The following CCDC6 variants were observed in gnomAD, a reference collection of about 807,000 sequenced individuals.
The protein encoded by CCDC6 is coiled-coil domain-containing protein 6.
CCDC6 carries 20 observed loss-of-function variants against 56.6 expected under a neutral mutation model. The ratio of observed to expected loss-of-function variants is 0.35; its 90% confidence interval spans 0.25 to 0.51. The LOEUF (loss-of-function observed/expected upper bound fraction) is 0.51. Ranked by LOEUF, CCDC6 falls within the 20% of genes least tolerant of loss-of-function variation. The probability of loss-of-function intolerance (pLI) is 0.95; values close to 1 mark genes in which losing one functional copy is unlikely to be tolerated. For missense variants in CCDC6, 367 were observed against 601.1 expected, an observed-to-expected ratio of 0.61 and a Z score of 4.07; for synonymous variants, 241 against 234.4, an observed-to-expected ratio of 1.03 and a Z score of -0.26.
chr10:59,855,629 C>T (rs1167759287), intron 1 of CCDC6, among the ~76,000 whole-genome samples: 1 of 152,130 alleles, frequency 6.6e-6, no homozygotes, highest in Non-Finnish European at 1.5e-5. Context: ...GGAATGACTG[C>T]TCATGGCTAC....
At chr10:59,829,043 A>C (rs1235380741) in intron 3 of CCDC6, among the ~76,000 whole-genome samples, 1 of 152,226 alleles carries the variant, frequency 6.6e-6, no homozygotes, top group Non-Finnish European at 1.5e-5. Flanking sequence ...TTCCAGATTC[A>C]AGGCCTATGA....
chr10:59,894,851 A>G (rs1377972772), intron 1 of CCDC6, among the ~76,000 whole-genome samples: 1 of 152,042 alleles, frequency 6.6e-6, no homozygotes, highest in African/African-American at 2.4e-5. Flanking sequence ...CTCTAGTGTT[A>G]TTTCTTTTCC....
In CCDC6 at chr10:59,797,661, A is replaced by T. The variant is rs957928618; in HGVS notation, c.1106-3064T>A. 1.3e-4 allele frequency among the ~76,000 whole-genome samples: 15 copies of T among 118,168 alleles called. 1 individual carries two copies. Among genetic ancestry groups the T allele is most frequent in the African/African-American group, 6.1e-4 (15 of 24,552 alleles). 77.5% of individuals were successfully genotyped at this position (118,168 alleles called of 152,430 possible). A position where few individuals can be genotyped will look rare whatever the true frequency, so the allele number is the denominator to read the frequency against. ...GGGAGAGTGTGGGCATGAGTGAGTGAGAGAGAGAGAGAGTGAGAGTGTTGT... is the reference window on the plus strand; with the variant it reads ...GGGAGAGTGTGGGCATGAGTGAGTGTGAGAGAGAGAGAGTGAGAGTGTTGT... On this transcript the variant is annotated intron_variant, in intron 7 of 8. Coordinates refer to ENST00000263102, the MANE Select transcript of CCDC6 (RefSeq NM_005436.5).
intron 5 of CCDC6, among the ~76,000 whole-genome samples, chr10:59,809,386 A>C (rs111697383): frequency 6.6e-6 from 1 of 152,174 alleles, no homozygotes; most frequent in Non-Finnish European, 1.5e-5. Flanking sequence ...CTTAAACAAT[A>C]TATCTATAGA....
chr10:59,893,197 GCGGGGGGAGGGA>G (rs1245561327), intron 1 of CCDC6, among the ~76,000 whole-genome samples: 10 of 152,156 alleles, frequency 6.6e-5, no homozygotes, highest in Non-Finnish European at 1.2e-4. Flanking sequence ...GTTACTTTTT[GCGGGGGGAGGGA>G]TACTGACTGG....
chr10:59,813,093 A>AAT (rs1223514629), intron 4 of CCDC6, among the ~76,000 whole-genome samples: 2 of 152,238 alleles, frequency 1.3e-5, no homozygotes, highest in African/African-American at 4.8e-5. Context: ...TTATGCCTGG[A>AAT]ATACAGTATG....
chr10:59,864,016 AGTTGG>A (rs2132663765), intron 1 of CCDC6, among the ~76,000 whole-genome samples: 1 of 152,338 alleles, frequency 6.6e-6, no homozygotes, highest in Non-Finnish European at 1.5e-5. Context: ...CTAATTTATA[AGTTGG>A]TTGTTGGGAT....
chr10:59,840,746 C>A (rs995953852), intron 2 of CCDC6, among the ~76,000 whole-genome samples: 6 of 152,124 alleles, frequency 3.9e-5, no homozygotes, highest in Admixed American at 2.0e-4. Context: ...AAGACTCAAA[C>A]CCCTAAGTCT....
intron 3 of CCDC6, among the ~76,000 whole-genome samples, chr10:59,817,536 A>T (rs1049422847): frequency 6.6e-5 from 10 of 152,120 alleles, no homozygotes; most frequent in Non-Finnish European, 1.3e-4. Flanking sequence ...AAGGATCCCA[A>T]TTCCAGTGTT....
At chr10:59,904,039 CT>C (rs2071523577) in intron 1 of CCDC6, among the ~76,000 whole-genome samples, 1 of 152,158 alleles carries the variant, frequency 6.6e-6, no homozygotes. Context: ...ACCACAAGCA[CT>C]TTTTTATGTG....
intron 3 of CCDC6, among the ~76,000 whole-genome samples, chr10:59,832,231 C>T (rs1037609876): frequency 6.6e-6 from 1 of 152,224 alleles, no homozygotes; most frequent in Non-Finnish European, 1.5e-5. Flanking sequence ...TGGTCAAAAA[C>T]ATTCTTCTCC....
intron 1 of CCDC6, among the ~76,000 whole-genome samples, chr10:59,897,704 C>T (rs548661863): frequency 1.3e-5 from 2 of 152,322 alleles, no homozygotes; most frequent in South Asian, 2.1e-4. Flanking sequence ...GCAGACAGCA[C>T]AAAAGACTCA....
At chr10:59,814,421 C>T (rs769663499) in intron 4 of CCDC6, among the ~76,000 whole-genome samples, 31 of 152,146 alleles carry the variant, frequency 2.0e-4, no homozygotes, top group Non-Finnish European at 3.7e-4. Context: ...AGCCTTGTAA[C>T]ACCAAATGAA....
chr10:59,905,292 G>A (rs2071534538), intron 1 of CCDC6, among the ~76,000 whole-genome samples: 1 of 152,100 alleles, frequency 6.6e-6, no homozygotes, highest in African/African-American at 2.4e-5. Context: ...AGCCTCCAGG[G>A]GACAGGTAGA....
intron 1 of CCDC6, among the ~76,000 whole-genome samples, chr10:59,854,481 C>T (rs1044480198): frequency 6.6e-6 from 1 of 152,152 alleles, no homozygotes. Flanking sequence ...TGGGGTAGTC[C>T]AAGAGAGCTA....
intron 3 of CCDC6, among the ~76,000 whole-genome samples, chr10:59,818,815 T>C (rs191445046): frequency 6.6e-6 from 1 of 152,210 alleles, no homozygotes; most frequent in East Asian, 1.9e-4. Flanking sequence ...AAAATACAAA[T>C]TCATAAAGTA....
chr10:59,902,905 T>G (rs2071514992), intron 1 of CCDC6, among the ~76,000 whole-genome samples: 1 of 152,254 alleles, frequency 6.6e-6, no homozygotes, highest in African/African-American at 2.4e-5. Context: ...TATTCATAAT[T>G]GCCAAAAGGT....
chr10:59,877,058 T>C (rs1445384), intron 1 of CCDC6, among the ~76,000 whole-genome samples: 6,553 of 152,198 alleles, frequency 0.043, 227 homozygotes, highest in African/African-American at 0.081. Flanking sequence ...TATCTAAACA[T>C]AGAAAAGGTA....
At chr10:59,819,518 T>C (rs760590711) in intron 3 of CCDC6, among the ~76,000 whole-genome samples, 36 of 152,190 alleles carry the variant, frequency 2.4e-4, no homozygotes, top group Non-Finnish European at 4.1e-4. Flanking sequence ...CCTATATACT[T>C]AGAGCCAAAG....
Sources: gnomAD v4.1 joint callset for allele counts (sites outside exome capture counted in the v4.1 genomes callset) on GRCh38, gnomAD v4.1.1 for gene constraint, MANE v1.5 for transcripts, NCBI Gene and HGNC (gene_info 2026-07-23, HGNC 2026-07-21) for gene names.